The following DNAH10 variants were observed in gnomAD, a reference collection of about 807,000 sequenced individuals.
The protein encoded by DNAH10 is axonemal beta dynein heavy chain 10.
DNAH10 carries 348 observed loss-of-function variants against 506.6 expected under a neutral mutation model. The observed-to-expected ratio is 0.69, with a 90% CI of 0.63 to 0.75. The LOEUF (loss-of-function observed/expected upper bound fraction) is 0.75, where lower values mean the gene tolerates loss of function less well. Among genes scored for constraint, DNAH10 ranks in the 30% least tolerant of loss-of-function variants. The probability of loss-of-function intolerance (pLI) is 0.00; values close to 1 mark genes in which losing one functional copy is unlikely to be tolerated. For synonymous variants in DNAH10, 2,059 were observed against 2,198.6 expected (o/e 0.94, Z 1.78); for missense variants, 5,179 against 5,787.1 (o/e 0.89, Z 3.41).
chr12:123,796,758 T>C lies in DNAH10; in HGVS notation c.2089T>C (p.Phe697Leu). 1 of 1,614,198 alleles carries C rather than the reference T, an allele frequency of 6.2e-7. No homozygotes were observed. The highest frequency in any genetic ancestry group is 8.5e-7 in the Non-Finnish European group (1 of 1,180,018). ...TGCAATATACTGGGAACGATCTCTG[T>C]TCTTTCGGATTAAGCATACCATCCT... Reference protein sequence around the residue: ...AGAIYWERSLFFRIKHTILRF... With the variant: ...AGAIYWERSLLFRIKHTILRF... The change falls in exon 13 of 79, where the codon TTC becomes CTC. Residue 697 changes from phenylalanine (F) to leucine (L), a missense_variant. Transcript: ENST00000673944.
In DNAH10 at chr12:123,853,942, A is replaced by T. The variant is rs7301708; in HGVS notation, c.6438+590A>T. On this transcript the variant is annotated intron_variant, in intron 36 of 78. Transcript: ENST00000673944. This position sits in a 1 kb window ranked among gnomAD's most constrained non-coding sequence, Gnocchi z 4.7. Reference sequence around the variant, plus strand: ...CGCACACGCACGCACACGCACACGCACACACACACACATTTGGGTAGTAAA... The same window carrying T: ...CGCACACGCACGCACACGCACACGCTCACACACACACATTTGGGTAGTAAA... 0.043 allele frequency among the ~76,000 whole-genome samples: 6,484 copies of T among 151,222 alleles called. 190 individuals are homozygous for T. The highest frequency in any genetic ancestry group is 0.064 in the Non-Finnish European group (4,316 of 67,764).
Position 123,917,481 on chromosome 12 carries a change from G to C in DNAH10, c.11003-103G>C. 8.2e-7 allele frequency: 1 copy of C among 1,223,086 alleles called. No homozygotes were observed. The allele number at this position is 1,223,086 out of a possible 1,614,324, so 75.8% of individuals were successfully genotyped here. A position where few individuals can be genotyped will look rare whatever the true frequency, so the allele number is the denominator to read the frequency against. On this transcript the variant is annotated intron_variant, in intron 63 of 78. Transcript: ENST00000673944. This position sits in a 1 kb window ranked among gnomAD's most constrained non-coding sequence, Gnocchi z 5.6. The stretch of plus-strand genomic sequence containing the variant: ...CAGTGAATCCTCGTGCCTCTGGCCT[G>C]CTGGCTGAGACCCGCGCTAAGCTTG...
At chr12:123,901,685 G>A (rs1379374176) in intron 56 of DNAH10, among the ~76,000 whole-genome samples, 1 of 152,086 alleles carries the variant, frequency 6.6e-6, no homozygotes, top group Non-Finnish European at 1.5e-5. Context: ...TTTTGAGACA[G>A]AGTCTCGCTC....
chr12:123,897,380 T>C (rs1029559398), intron 54 of DNAH10, among the ~76,000 whole-genome samples: 3 of 152,154 alleles, frequency 2.0e-5, no homozygotes, highest in African/African-American at 7.2e-5. Context: ...AATTGTTGAG[T>C]CATATAATAG....
In DNAH10 at chr12:123,875,304, G is replaced by A. The variant is rs776555856; in HGVS notation, c.8012G>A (p.Arg2671His). The A allele has an allele frequency of 9.9e-6, 16 of 1,613,468 alleles. No homozygotes were observed. In the Admixed American group the frequency reaches 1.7e-4, roughly 17 times the overall value. Residue 2671 changes from arginine (R) to histidine (H), a missense_variant, in exon 47 of 79, where the codon CGT (arginine) becomes CAT (histidine). Around this residue, in one of 3 missense-constraint regions of DNAH10, gnomAD observed 4,844 missense variants for 5,430.5 expected, o/e 0.89. Coordinates refer to ENST00000673944, the MANE Select transcript of DNAH10 (RefSeq NM_001372106.1). ...LLLEKGYLYD[R>H]GKELNCKSIR... ...TTGGAAAAAGGCTACTTATATGACC[G>A]TGGGAAGGAGCTGAACTGTAAAAGC...
Position 123,929,646 on chromosome 12 carries a change from G to A in DNAH10, c.12517-18G>A, listed in dbSNP as rs371607521. 29 of 1,608,420 alleles carry A rather than the reference G, an allele frequency of 1.8e-5. No homozygotes were observed. The highest frequency in any genetic ancestry group is 5.1e-5 in the Admixed American group (3 of 59,324). ...TTGGTGGGTTTCAGTATAACTGAGC[G>A]TGTTCTCTTCTTTCAAGGTCTGCAT... On this transcript the variant is annotated intron_variant, in intron 71 of 78. Coordinates refer to ENST00000673944, the MANE Select transcript of DNAH10 (RefSeq NM_001372106.1).
intron 57 of DNAH10, among the ~76,000 whole-genome samples, chr12:123,906,589 C>T (rs761042188): frequency 2.0e-5 from 3 of 152,174 alleles, no homozygotes; most frequent in Non-Finnish European, 4.4e-5. Flanking sequence ...GGCCTGATCA[C>T]ACTGCAAGAT....
intron 15 of DNAH10, 50 bp downstream of exon 15, chr12:123,800,438 C>A: frequency 1.3e-6 from 2 of 1,528,992 alleles, no homozygotes; most frequent in Non-Finnish European, 1.8e-6. Context: ...GTTCTTGGGA[C>A]CCCTTTACGC....
intron 24 of DNAH10, among the ~76,000 whole-genome samples, chr12:123,825,503 A>G (rs1959883846): frequency 6.6e-6 from 1 of 152,212 alleles, no homozygotes; most frequent in Non-Finnish European, 1.5e-5. Flanking sequence ...AACATGGGCG[A>G]CTCTCAGAAT....
At chr12:123,775,799 C>T (rs942344779) in intron 5 of DNAH10, among the ~76,000 whole-genome samples, 1 of 152,092 alleles carries the variant, frequency 6.6e-6, no homozygotes, top group Non-Finnish European at 1.5e-5. Flanking sequence ...CATGGAAGAG[C>T]CCAGGTGGAG....
At chr12:123,802,392 A>G (rs925202979) in intron 16 of DNAH10, among the ~76,000 whole-genome samples, 2 of 151,916 alleles carry the variant, frequency 1.3e-5, no homozygotes, top group African/African-American at 4.8e-5. Flanking sequence ...TGCAATCTCC[A>G]CCTCCTGGGT....
intron 37 of DNAH10, 102 bp downstream of exon 37, chr12:123,857,349 G>A: frequency 2.9e-6 from 3 of 1,036,420 alleles, no homozygotes; most frequent in Non-Finnish European, 4.0e-6. Flanking sequence ...ATACGCATAA[G>A]TTTCACCATC....
At chr12:123,910,130 C>T (rs1447652127) in intron 58 of DNAH10, among the ~76,000 whole-genome samples, 1 of 152,242 alleles carries the variant, frequency 6.6e-6, no homozygotes, top group East Asian at 1.9e-4. Flanking sequence ...ACTACAAAAA[C>T]CCAAGGCACT....
At chr12:123,782,329 G>GCCTCCCCCCC (rs1957685911) in intron 6 of DNAH10, among the ~76,000 whole-genome samples, 2 of 63,638 alleles carry the variant, frequency 3.1e-5, no homozygotes, top group South Asian at 6.6e-4. Flanking sequence ...GCCCTGCCCT[G>GCCTCCCCCCC]CCTCCCCTCC....
chr12:123,918,604 C>T, intron 64 of DNAH10, 72 bp from the exon 65 acceptor site: 2 of 1,501,032 alleles, frequency 1.3e-6, no homozygotes, highest in Non-Finnish European at 8.9e-7. Flanking sequence ...TCTCTGCTGT[C>T]CCCCTGCCCC....
chr12:123,835,620 A>G, intron 28 of DNAH10, 92 bp downstream of exon 28: 1 of 1,481,104 alleles, frequency 6.8e-7, no homozygotes, highest in Non-Finnish European at 9.0e-7. Context: ...TTTCTCCATT[A>G]GTAGCTTCTC....
intron 43 of DNAH10, among the ~76,000 whole-genome samples, chr12:123,869,073 T>C (rs918176557): frequency 6.6e-6 from 1 of 152,200 alleles, no homozygotes; most frequent in Non-Finnish European, 1.5e-5. Flanking sequence ...AGACACCTGC[T>C]CACAGCTTCA....
rs775148949 is a variant in DNAH10 at position 123,787,871 on chromosome 12, G to GC, written c.1491dup (p.Tyr498LeufsTer3). On this transcript the variant is annotated frameshift_variant, in exon 10 of 79. Coordinates refer to ENST00000673944, the MANE Select transcript of DNAH10 (RefSeq NM_001372106.1). LOFTEE classifies it high-confidence loss of function. The surrounding 1 kb of genome is among the most constrained non-coding windows in gnomAD (Gnocchi z 4.6). ...GAACACCCTCAGGCTGTGGAAAAAG[G>GC]CCTATTTTGACACCCGGGCCAAGAT... is the stretch of plus-strand genomic sequence containing the variant. The GC allele has an allele frequency of 1.9e-6, 3 of 1,614,010 alleles. 1 individual carries two copies. The Admixed American group carries it at 5.0e-5, about 27-fold the overall frequency.
chr12:123,864,881 C>T (rs1470718970), intron 40 of DNAH10, among the ~76,000 whole-genome samples, 151 bp downstream of exon 40: 1 of 152,062 alleles, frequency 6.6e-6, no homozygotes, highest in Non-Finnish European at 1.5e-5. Flanking sequence ...GTTCTTTACT[C>T]CTCTCATCCC....
Sources: allele counts gnomAD v4.1 joint callset (sites outside exome capture counted in the v4.1 genomes callset), GRCh38; gene constraint gnomAD v4.1.1; regional missense constraint gnomAD v4.1.1; non-coding constraint Gnocchi (gnomAD v3.1); transcripts MANE v1.5; gene names NCBI Gene and HGNC (gene_info 2026-07-23, HGNC 2026-07-21).